The following CTNNA2 variants were observed in gnomAD, a reference collection of about 807,000 sequenced individuals.
The protein encoded by CTNNA2 is catenin alpha 2, also known as catenin alpha-2.
CTNNA2 carries 42 observed loss-of-function variants against 101.0 expected under a neutral mutation model. The ratio of observed to expected loss-of-function variants is 0.42; its 90% CI spans 0.32 to 0.54. The LOEUF (loss-of-function observed/expected upper bound fraction) is 0.54, where lower values mean the gene tolerates loss of function less well. Among genes scored for constraint, CTNNA2 ranks in the 20% least tolerant of loss-of-function variants. The probability of loss-of-function intolerance (pLI) is 0.14; values close to 1 mark genes in which losing one functional copy is unlikely to be tolerated. For missense variants in CTNNA2, 871 were observed against 1,223.1 expected (o/e 0.71, Z 4.29); for synonymous variants, 450 against 456.4 (o/e 0.99, Z 0.18).
At chr2:79,972,388 A>G (rs928719306) in intron 7 of CTNNA2, among the ~76,000 whole-genome samples, 1 of 152,200 alleles carries the variant, frequency 6.6e-6, no homozygotes, top group South Asian at 2.1e-4. Context: ...GAGTATAAAC[A>G]TGCTGCACAT....
At chr2:79,366,531 A>G (rs1208029821) in intron 3 of CTNNA2, among the ~76,000 whole-genome samples, 2 of 152,200 alleles carry the variant, frequency 1.3e-5, no homozygotes, top group Admixed American at 6.5e-5. Context: ...AGCAGAGTTT[A>G]CAACCCTTGT....
chr2:80,013,981 A>G (rs1056049916), intron 7 of CTNNA2, among the ~76,000 whole-genome samples: 1 of 152,148 alleles, frequency 6.6e-6, no homozygotes, highest in Non-Finnish European at 1.5e-5. Context: ...TCTGAAGTTC[A>G]GTAAGGAGAA....
At chr2:79,879,096 T>C (rs1246004733) in intron 6 of CTNNA2, among the ~76,000 whole-genome samples, 2 of 152,202 alleles carry the variant, frequency 1.3e-5, no homozygotes, top group African/African-American at 4.8e-5. Context: ...CCATTGCTTG[T>C]TTTTGTCAGA....
intron 18 of CTNNA2, among the ~76,000 whole-genome samples, chr2:80,637,010 T>G (rs1014377832): frequency 2.0e-5 from 3 of 152,114 alleles, no homozygotes; most frequent in Non-Finnish European, 4.4e-5. Flanking sequence ...AAAACTGTAA[T>G]ATTCAGGCAC....
chr2:79,684,704 A>G (rs1024309194), intron 2 of CTNNA2, among the ~76,000 whole-genome samples: 10 of 152,210 alleles, frequency 6.6e-5, no homozygotes, highest in African/African-American at 2.4e-4. Context: ...ATTGTTTTGG[A>G]GACGGCATAG....
intron 7 of CTNNA2, among the ~76,000 whole-genome samples, chr2:80,010,906 ATC>A (rs1168434691): frequency 6.6e-6 from 1 of 152,120 alleles, no homozygotes; most frequent in Admixed American, 6.6e-5. Context: ...GATCTTCGAA[ATC>A]TCTGTAAAAT....
chr2:80,453,101 G>A (rs1683660102), intron 9 of CTNNA2, among the ~76,000 whole-genome samples: 1 of 152,080 alleles, frequency 6.6e-6, no homozygotes, highest in African/African-American at 2.4e-5. Context: ...ATGTTCCTGA[G>A]GGTACTTTGG....
intron 7 of CTNNA2, among the ~76,000 whole-genome samples, chr2:80,278,522 AG>A (rs1161105404): frequency 1.6e-4 from 25 of 152,154 alleles, no homozygotes; most frequent in Middle Eastern, 3.4e-3. Context: ...TTCACATGGT[AG>A]GGGGGCAGGA....
At chr2:79,695,459 A>G (rs1486915980) in intron 2 of CTNNA2, among the ~76,000 whole-genome samples, 2 of 152,018 alleles carry the variant, frequency 1.3e-5, no homozygotes, top group Non-Finnish European at 2.9e-5. Context: ...CTGAATATAC[A>G]TATTCAATAA....
chr2:80,182,761 C>T (rs1001648853), intron 7 of CTNNA2, among the ~76,000 whole-genome samples: 2 of 152,134 alleles, frequency 1.3e-5, no homozygotes, highest in African/African-American at 4.8e-5. Context: ...CAGCTATGTG[C>T]AGTTGAGGAC....
chr2:80,271,264 T>TA (rs985062369), intron 7 of CTNNA2, among the ~76,000 whole-genome samples: 2 of 152,160 alleles, frequency 1.3e-5, no homozygotes, highest in African/African-American at 4.8e-5. Context: ...GTGATAGTGA[T>TA]ATTAGGTTGG....
At chr2:79,248,397 T>C (rs190549589) in intron 2 of CTNNA2, among the ~76,000 whole-genome samples, 399 of 151,800 alleles carry the variant, frequency 2.6e-3, no homozygotes, top group Non-Finnish European at 4.2e-3. Context: ...AATTTCTATA[T>C]ATAATATAAA....
At chr2:80,145,992 A>G (rs1290495236) in intron 7 of CTNNA2, among the ~76,000 whole-genome samples, 5 of 152,194 alleles carry the variant, frequency 3.3e-5, no homozygotes, top group African/African-American at 1.2e-4. Flanking sequence ...TGGCAGGAGT[A>G]TACTCTGTAA....
intron 9 of CTNNA2, among the ~76,000 whole-genome samples, chr2:80,456,991 A>G (rs1684032708): frequency 6.6e-6 from 1 of 152,224 alleles, no homozygotes; most frequent in Non-Finnish European, 1.5e-5. Context: ...AAGTATTTGG[A>G]ATGTTTTCAA....
intron 7 of CTNNA2, among the ~76,000 whole-genome samples, chr2:79,919,603 C>T (rs1429872027): frequency 6.6e-6 from 1 of 152,184 alleles, no homozygotes; most frequent in Non-Finnish European, 1.5e-5. Context: ...TCGGAAGAGG[C>T]TTCTGGTATT....
At chr2:80,446,741 T>C (rs1683107476) in intron 9 of CTNNA2, among the ~76,000 whole-genome samples, 3 of 152,166 alleles carry the variant, frequency 2.0e-5, no homozygotes, top group African/African-American at 7.2e-5. Context: ...AATTAATTTT[T>C]GGAAATTCTT....
chr2:79,322,504 A>T (rs1437341097), intron 3 of CTNNA2, among the ~76,000 whole-genome samples: 1 of 152,188 alleles, frequency 6.6e-6, no homozygotes, highest in Non-Finnish European at 1.5e-5. Context: ...AATTTTCCAA[A>T]ACTCTCACAT....
chr2:80,235,343 C>T lies in CTNNA2; in HGVS notation c.1057-157868C>T, dbSNP rs1709487258. Among the ~76,000 whole-genome samples the T allele has an allele frequency of 5.9e-5, 9 of 152,180 alleles. 1 individual carries two copies. In the South Asian group the frequency reaches 1.2e-3, roughly 21 times the overall value. ...ATGGAGAGCCTGACACTGTACTAAA[C>T]ACTCTAGGAGATTTTTCCAAGTATT... On this transcript the variant is annotated intron_variant, in intron 7 of 18. Coordinates refer to ENST00000402739, the MANE Select transcript of CTNNA2 (RefSeq NM_001282597.3).
intron 18 of CTNNA2, among the ~76,000 whole-genome samples, chr2:80,636,333 A>T (rs1296660355): frequency 6.6e-6 from 1 of 152,192 alleles, no homozygotes; most frequent in Non-Finnish European, 1.5e-5. Flanking sequence ...AAGATTAAAA[A>T]TTATGCATTT....
Sources: allele counts gnomAD v4.1 joint callset (sites outside exome capture counted in the v4.1 genomes callset), GRCh38; gene constraint gnomAD v4.1.1; transcripts MANE v1.5; gene names NCBI Gene and HGNC (gene_info 2026-07-23, HGNC 2026-07-21).